OSBPL10: variants seen among roughly 807,000 people sequenced by gnomAD.
OSBPL10 encodes oxysterol-binding protein-related protein 10.
Under a neutral mutation model 81.7 loss-of-function variants are expected in OSBPL10, and 49 were observed. The ratio of observed to expected loss-of-function variants is 0.60; its 90% CI spans 0.48 to 0.76. The LOEUF (loss-of-function observed/expected upper bound fraction) is 0.76, where lower values mean the gene tolerates loss of function less well. OSBPL10 is among the 30% of genes least tolerant of loss of function. OSBPL10 has a pLI of 0.00. For synonymous variants in OSBPL10, 419 were observed against 383.6 expected, an observed-to-expected ratio of 1.09 and a Z score of -1.08; for missense variants, 923 against 987.8, an observed-to-expected ratio of 0.93 and a Z score of 0.88.
intron 3 of OSBPL10, among the ~76,000 whole-genome samples, chr3:31,874,551 G>A (rs1302012414): frequency 6.6e-6 from 1 of 152,112 alleles, no homozygotes; most frequent in African/African-American, 2.4e-5. Flanking sequence ...AGAAAAACAA[G>A]TGAAGGATAT....
intron 1 of OSBPL10, among the ~76,000 whole-genome samples, chr3:31,939,142 TCC>T (rs758525012): frequency 3.1e-5 from 4 of 129,124 alleles, no homozygotes; most frequent in African/African-American, 9.6e-5. Flanking sequence ...GACTCTCTCA[TCC>T]TTTTTTTTTT....
At chr3:31,982,462 A>C (rs990857888), upstream of OSBPL10, among the ~76,000 whole-genome samples, 3 of 152,172 alleles carry the variant, frequency 2.0e-5, no homozygotes, top group African/African-American at 7.2e-5. Flanking sequence ...AGTTAAAAAA[A>C]ATTACTAAAT....
intron 2 of OSBPL10, among the ~76,000 whole-genome samples, chr3:32,039,344 T>A (rs113503096): frequency 0.02 from 2,380 of 121,768 alleles, 59 homozygotes; most frequent in African/African-American, 0.06. Context: ...ATAAATAAAT[T>A]AATTAATTAG....
In OSBPL10 at chr3:31,734,330, T is replaced by G. The variant is rs137953304; in HGVS notation, c.941-919A>C. Among the ~76,000 whole-genome samples the G allele has an allele frequency of 8.4e-3, 1,277 of 152,328 alleles. 17 individuals carry two copies. Among genetic ancestry groups the G allele is most frequent in the African/African-American group, 0.019 (773 of 41,586 alleles). On this transcript the variant is annotated intron_variant, in intron 5 of 11. Transcript: ENST00000396556. Reference sequence around the variant, plus strand: ...TCGGGGGAGGGGAAAAGACTTTTACTCTAATTTTTTTTAAGGGTCATATAT... The same window carrying G: ...TCGGGGGAGGGGAAAAGACTTTTACGCTAATTTTTTTTAAGGGTCATATAT...
intron 7 of OSBPL10, among the ~76,000 whole-genome samples, chr3:31,701,353 T>C (rs1015289582): frequency 6.6e-6 from 1 of 152,286 alleles, no homozygotes; most frequent in Admixed American, 6.5e-5. Context: ...ATCTAGAACT[T>C]CCTTCCCCAG....
intron 1 of OSBPL10, among the ~76,000 whole-genome samples, chr3:31,908,080 G>A (rs1181274548): frequency 6.6e-6 from 1 of 151,852 alleles, no homozygotes; most frequent in Non-Finnish European, 1.5e-5. Context: ...AAAAATAACT[G>A]TGTTTCAGGC....
At chr3:31,916,310 A>G (rs190224937) in intron 1 of OSBPL10, among the ~76,000 whole-genome samples, 1 of 152,238 alleles carries the variant, frequency 6.6e-6, no homozygotes, top group Admixed American at 6.5e-5. Context: ...ACAGCTTCCT[A>G]CTCACCTATT....
chr3:31,870,498 C>A (rs560390347), intron 3 of OSBPL10, among the ~76,000 whole-genome samples: 1 of 152,232 alleles, frequency 6.6e-6, no homozygotes, highest in Non-Finnish European at 1.5e-5. Flanking sequence ...CTGAGGAGTG[C>A]GAATGCATGG....
chr3:31,796,839 A>T (rs1699231297), intron 4 of OSBPL10, among the ~76,000 whole-genome samples: 1 of 152,078 alleles, frequency 6.6e-6, no homozygotes, highest in Non-Finnish European at 1.5e-5. Context: ...GGAAGTGTCA[A>T]CTTCATTCAG....
intron 1 of OSBPL10, among the ~76,000 whole-genome samples, chr3:31,953,085 C>A (rs903654057): frequency 6.6e-6 from 1 of 151,854 alleles, no homozygotes; most frequent in Non-Finnish European, 1.5e-5. Flanking sequence ...GCGCCCACCA[C>A]CATGCCTGGC....
intron 1 of OSBPL10, among the ~76,000 whole-genome samples, chr3:32,049,883 C>G (rs565624879): frequency 6.6e-6 from 1 of 152,168 alleles, no homozygotes; most frequent in Non-Finnish European, 1.5e-5. Flanking sequence ...CTGGCCTCCC[C>G]GAGCTCCTTG....
At chr3:31,790,811 G>A (rs773583715) in intron 4 of OSBPL10, among the ~76,000 whole-genome samples, 1 of 152,196 alleles carries the variant, frequency 6.6e-6, no homozygotes, top group African/African-American at 2.4e-5. Flanking sequence ...CTGGATAAGA[G>A]GTTAACATCA....
At chr3:31,766,329 GTTTTTTTGTTTTTT>G (rs1382374468) in intron 4 of OSBPL10, among the ~76,000 whole-genome samples, 1 of 22,578 alleles carries the variant, frequency 4.4e-5, no homozygotes, top group African/African-American at 7.7e-5. Flanking sequence ...TAGTTTTTTT[GTTTTTTTGTTTTTT>G]TTTGTTTTTT....
At chr3:31,701,388 T>C (rs958713334) in intron 7 of OSBPL10, among the ~76,000 whole-genome samples, 2 of 152,206 alleles carry the variant, frequency 1.3e-5, no homozygotes, top group Admixed American at 6.5e-5. Flanking sequence ...AGATCATGTC[T>C]GTCTGTCTGT....
At chr3:31,792,234 A>T (rs1280908437) in intron 4 of OSBPL10, among the ~76,000 whole-genome samples, 1 of 152,102 alleles carries the variant, frequency 6.6e-6, no homozygotes, top group East Asian at 1.9e-4. Flanking sequence ...CCAAAAAAAA[A>T]AAAATGATAA....
intron 2 of OSBPL10, among the ~76,000 whole-genome samples, chr3:32,043,464 G>T (rs534000817): frequency 6.6e-5 from 10 of 152,272 alleles, no homozygotes; most frequent in African/African-American, 2.4e-4. Flanking sequence ...CTGAGATGAC[G>T]TACATCCTCA....
intron 1 of OSBPL10, among the ~76,000 whole-genome samples, chr3:31,952,260 A>G (rs745447230): frequency 4.6e-5 from 7 of 152,228 alleles, no homozygotes; most frequent in Non-Finnish European, 1.0e-4. Context: ...TCAGTGAGGC[A>G]AAACTATTCA....
chr3:31,961,907 GT>G (rs34399596), intron 1 of OSBPL10, among the ~76,000 whole-genome samples: 47 of 130,010 alleles, frequency 3.6e-4, no homozygotes, highest in Non-Finnish European at 6.0e-4. Context: ...TTTTGTTTTG[GT>G]TTTTTTTTTT....
intron 4 of OSBPL10, among the ~76,000 whole-genome samples, chr3:31,818,879 C>T (rs191751916): frequency 5.3e-5 from 8 of 152,202 alleles, no homozygotes; most frequent in African/African-American, 4.8e-5. Context: ...GGCCTCCCCC[C>T]ACTCCACCAC....
Sources: gnomAD v4.1 joint callset for allele counts (sites outside exome capture counted in the v4.1 genomes callset) on GRCh38, gnomAD v4.1.1 for gene constraint, MANE v1.5 for transcripts, NCBI Gene and HGNC (gene_info 2026-07-23, HGNC 2026-07-21) for gene names.